Variants in PPM1N observed in about 807,000 individuals in gnomAD.
PPM1N encodes probable protein phosphatase 1N.
PPM1N carries 35 observed loss-of-function variants against 32.6 expected under a neutral mutation model. The ratio of observed to expected loss-of-function variants is 1.07; its 90% CI spans 0.82 to 1.43. PPM1N has a LOEUF of 1.43. PPM1N is among the 40% of genes most tolerant of loss of function. PPM1N has a pLI of 0.00. For synonymous variants in PPM1N, 275 were observed against 270.5 expected, an observed-to-expected ratio of 1.02 and a Z score of -0.16; for missense variants, 648 against 606.6, an observed-to-expected ratio of 1.07 and a Z score of -0.72.
chr19:45,500,777 G>T, intron 4 of PPM1N, 67 bp downstream of exon 4: 2 of 1,270,780 alleles, frequency 1.6e-6, no homozygotes, highest in South Asian at 2.6e-5. Context: ...CCCTCTTAGT[G>T]ACAGGGAAAT....
chr19:45,501,806 G>A (rs866658226), intron 4 of PPM1N, among the ~76,000 whole-genome samples: 35 of 152,124 alleles, frequency 2.3e-4, no homozygotes, highest in African/African-American at 7.2e-4. Context: ...GGTCTTTGGG[G>A]GCTGGTTCTC....
At chr19:45,499,487 G>A (rs1400946320) in intron 1 of PPM1N, 76 bp downstream of exon 1, 1 of 1,590,852 alleles carries the variant, frequency 6.3e-7, no homozygotes, top group Non-Finnish European at 8.6e-7. Context: ...TGGGGAGGAG[G>A]GCTTTGATAG....
rs11666505 is a variant in PPM1N at position 45,501,054 on chromosome 19, A to G, written c.1224+344A>G. Among the ~76,000 whole-genome samples the G allele has an allele frequency of 4.5e-3, 688 of 152,152 alleles. 1 individual carries two copies. The highest frequency in any genetic ancestry group is 7.2e-3 in the Non-Finnish European group (490 of 67,984). ...TAATACATTCCTACTCCCAGCCCTGAAGCATTGTGCAAGGCATGAGGAGGG... is the reference window on the plus strand; with the variant it reads ...TAATACATTCCTACTCCCAGCCCTGGAGCATTGTGCAAGGCATGAGGAGGG... On this transcript the variant is annotated intron_variant, in intron 4 of 4. Coordinates refer to ENST00000451287, the MANE Select transcript of PPM1N (RefSeq NM_001080401.2).
In PPM1N at chr19:45,502,316, AAAAAAAAAAAAAAAAAAAC is replaced by A. The variant is rs1968429189; in HGVS notation, c.*239_*257del. ...AGAAAAAAGCCCAAATCGAAAAAAA[AAAAAAAAAAAAAAAAAAAC>A]AAAAAAACCCAACCAAATGTTTTTG... On this transcript the variant is annotated 3_prime_UTR_variant, in exon 5 of 5. Transcript: ENST00000451287. 4 of 483,402 alleles carry A rather than the reference AAAAAAAAAAAAAAAAAAAC, an allele frequency of 8.3e-6. No individual in the cohort carries two copies. Among genetic ancestry groups the A allele is most frequent in the Admixed American group, 4.7e-5 (1 of 21,482 alleles). The allele number at this position is 483,402 out of a possible 1,614,324, so 29.9% of individuals were successfully genotyped here. A position where few individuals can be genotyped will look rare whatever the true frequency, so the allele number is the denominator to read the frequency against.
At position 45,498,818 on chromosome 19, in the gene PPM1N, C is replaced by T. The variant is rs867252461; in HGVS notation, c.346C>T (p.Arg116Cys). The T allele has an allele frequency of 1.9e-6, 3 of 1,544,942 alleles. No individual in the cohort carries two copies. Among genetic ancestry groups the T allele is most frequent in the Admixed American group, 1.9e-5 (1 of 51,518 alleles). Residue 116 changes from arginine (R) to cysteine (C), a missense_variant, in exon 1 of 5, where the codon CGC becomes TGC. Arg to Cys is a radical substitution (Grantham distance 180). Coordinates refer to ENST00000451287, the MANE Select transcript of PPM1N (RefSeq NM_001080401.2). Reference sequence around the variant, plus strand: ...GGCTCGAGCTGCCCGCTTCGGTGCACGCCATTTGCCAGGCCATGTGCTCCA... The same window carrying T: ...GGCTCGAGCTGCCCGCTTCGGTGCATGCCATTTGCCAGGCCATGTGCTCCA... ...GGARAARFGA[R>C]HLPGHVLQEL...
chr19:45,499,783 C>G (rs1968380623), intron 1 of PPM1N, 166 bp from the exon 2 acceptor site: 10 of 1,497,428 alleles, frequency 6.7e-6, no homozygotes, highest in Non-Finnish European at 8.9e-6. Context: ...CAATTGGGAG[C>G]GCCTAGGACC....
In PPM1N at chr19:45,502,326, A is replaced by AC. The variant is rs1157002970; in HGVS notation, c.*241_*242insC. 3 of 522,102 alleles carry AC rather than the reference A, an allele frequency of 5.7e-6. No homozygotes were observed. Among genetic ancestry groups the AC allele is most frequent in the Admixed American group, 8.8e-5 (2 of 22,854 alleles). 32.3% of individuals were successfully genotyped at this position (522,102 alleles called of 1,614,324 possible). The stretch of plus-strand genomic sequence containing the variant: ...CCAAATCGAAAAAAAAAAAAAAAAA[A>AC]AAAAAAAACAAAAAAACCCAACCAA... On this transcript the variant is annotated 3_prime_UTR_variant, in exon 5 of 5. Transcript: ENST00000451287.
Position 45,500,563 on chromosome 19 carries a change from T to C in PPM1N, c.1163+2T>C, listed in dbSNP as rs746277988. On this transcript the variant is annotated splice_donor_variant, in intron 3 of 4. Transcript: ENST00000451287. LOFTEE classifies it high-confidence loss of function. ...TCCTGGGGGAGGGCTGGACTGCAAG[T>C]GAGTTGGGGTGAGGAAGGGTGGGGT... The C allele has an allele frequency of 3.7e-6, 6 of 1,602,638 alleles. No individual in the cohort carries two copies. The African/African-American group carries it at 8.1e-5, about 22-fold the overall frequency.
chr19:45,500,752 C>T lies in PPM1N; in HGVS notation c.1224+42C>T, dbSNP rs191316761. Reference sequence around the variant, plus strand: ...CTCCAGTGTTTCTCTTAGGAGGGGACGCCCCCCCGCCCACCCCTCTTAGTG... The same window carrying T: ...CTCCAGTGTTTCTCTTAGGAGGGGATGCCCCCCCGCCCACCCCTCTTAGTG... On this transcript the variant is annotated intron_variant, in intron 4 of 4. Transcript: ENST00000451287. 7.1e-4 allele frequency: 1,051 copies of T among 1,478,400 alleles called. 4 individuals carry two copies. The highest frequency in any genetic ancestry group is 1.8e-3 in the South Asian group (147 of 82,562). The allele number at this position is 1,478,400 out of a possible 1,614,324, so 91.6% of individuals were successfully genotyped here.
At position 45,498,859 on chromosome 19, in the gene PPM1N, GC is replaced by G. The variant is rs981939200; in HGVS notation, c.389del (p.Pro130LeufsTer16). 2.0e-6 allele frequency: 3 copies of G among 1,525,102 alleles called. No individual in the cohort carries two copies. The African/African-American group carries it at 4.3e-5, about 22-fold the overall frequency. 94.5% of individuals were successfully genotyped at this position (1,525,102 alleles called of 1,614,324 possible). On this transcript the variant is annotated frameshift_variant, in exon 1 of 5. Transcript: ENST00000451287. LOFTEE classifies it high-confidence loss of function. ...GHVLQELGPEPSEPEGVREAL... is the reference protein window; with the variant it reads ...GHVLQELGPEXSEPEGVREAL... ...ATGTGCTCCAGGAGCTGGGCCCGGA[GC>G]CTAGCGAGCCCGAGGGCGTGCGCGA...
rs564838592 is a variant in PPM1N, at chr19:45,499,940, C to T, written c.940-9C>T. 9.8e-5 allele frequency: 154 copies of T among 1,565,744 alleles called. 1 individual carries two copies. In the East Asian group the frequency reaches 3.3e-3, roughly 34 times the overall value. ...CCCCACCGGGCTCCTTTTTCTCCACCGGCTTCAGGGCAGCCTGGACAACAT... is the reference window on the plus strand; with the variant it reads ...CCCCACCGGGCTCCTTTTTCTCCACTGGCTTCAGGGCAGCCTGGACAACAT... On this transcript the variant is annotated splice_polypyrimidine_tract_variant and intron_variant, in intron 1 of 4. Transcript: ENST00000451287.
At chr19:45,500,319 T>A in intron 2 of PPM1N, 137 bp from the exon 3 acceptor site, 1 of 828,284 alleles carries the variant, frequency 1.2e-6, no homozygotes, top group Non-Finnish European at 1.9e-6. Flanking sequence ...ATTGTTAGTA[T>A]AGACGGGGTT....
At position 45,498,510 on chromosome 19, in the gene PPM1N, G is replaced by A; in HGVS notation, c.38G>A (p.Trp13Ter). ...VLARQLQRLL[W>*]TACKKKEREK... ...GCCCGCCAGCTGCAGCGTCTCCTCT[G>A]GACCGCTTGCAAGAAAAAGGAGAGG... Residue 13 changes from tryptophan (W) to a stop codon, truncating the protein, a stop_gained, in exon 1 of 5, where the codon TGG becomes TAG. Coordinates refer to ENST00000451287, the MANE Select transcript of PPM1N (RefSeq NM_001080401.2). LOFTEE classifies it high-confidence loss of function. 1 of 1,406,968 alleles carries A rather than the reference G, an allele frequency of 7.1e-7. No homozygotes were observed. Among genetic ancestry groups the A allele is most frequent in the Non-Finnish European group, 9.2e-7 (1 of 1,084,538 alleles). The allele number at this position is 1,406,968 out of a possible 1,614,324, so 87.2% of individuals were successfully genotyped here.
At chr19:45,500,179 G>A in intron 2 of PPM1N, 113 bp downstream of exon 2, 1 of 1,362,794 alleles carries the variant, frequency 7.3e-7, no homozygotes, top group Non-Finnish European at 9.8e-7. Flanking sequence ...CTGTCTCCTA[G>A]GCTGGAGTGC....
At position 45,500,447 on chromosome 19, in the gene PPM1N, CT is replaced by C; in HGVS notation, c.1058-6del. ...ACTGTGCCCAGCCTAACTCTTGACT[CT>C]TTCTCAGAACTGTGTGCCTCTGCTC... On this transcript the variant is annotated splice_region_variant and splice_polypyrimidine_tract_variant and intron_variant, in intron 2 of 4. Transcript: ENST00000451287. 1.3e-6 allele frequency: 2 copies of C among 1,598,936 alleles called. No individual in the cohort carries two copies.
Position 45,500,639 on chromosome 19 carries a change from G to C in PPM1N, c.1164-11G>C. The C allele has an allele frequency of 6.2e-7, 1 of 1,600,430 alleles. No individual in the cohort carries two copies. The highest frequency in any genetic ancestry group is 8.5e-7 in the Non-Finnish European group (1 of 1,173,598). ...AGAGTCCCCTCCTGAGGGCCTTCCT[G>C]TGCTCTCCAGGGCCACTGTCATTGC... On this transcript the variant is annotated splice_polypyrimidine_tract_variant and intron_variant, in intron 3 of 4. Coordinates refer to ENST00000451287, the MANE Select transcript of PPM1N (RefSeq NM_001080401.2).
At chr19:45,500,764 C>A in intron 4 of PPM1N, 54 bp downstream of exon 4, 1 of 1,417,622 alleles carries the variant, frequency 7.1e-7, no homozygotes, top group Non-Finnish European at 9.7e-7. Context: ...CCCCCCCGCC[C>A]ACCCCTCTTA....
chr19:45,499,381 C>T lies in PPM1N; in HGVS notation c.909C>T (p.Cys303=), dbSNP rs1267859584. 6.2e-7 allele frequency: 1 copy of T among 1,606,750 alleles called. No individual in the cohort carries two copies. Among genetic ancestry groups the T allele is most frequent in the Admixed American group, 1.7e-5 (1 of 58,848 alleles). The change falls in exon 1 of 5, where the codon TGC becomes TGT. Residue 303 remains cysteine (C), a synonymous_variant. Coordinates refer to ENST00000451287, the MANE Select transcript of PPM1N (RefSeq NM_001080401.2). ...TGGGCCTGGCCCCAGAGCTTCTCTG[C>T]GCGCAGCTGTTGGACACGTGTCTGT... ...LRLGLAPELL[C]AQLLDTCLCK...
Position 45,498,653 on chromosome 19 carries a change from G to A in PPM1N, c.181G>A (p.Ala61Thr). 2 of 1,414,566 alleles carry A rather than the reference G, an allele frequency of 1.4e-6. No individual in the cohort carries two copies. The highest frequency in any genetic ancestry group is 1.8e-6 in the Non-Finnish European group (2 of 1,088,260). 87.6% of individuals were successfully genotyped at this position (1,414,566 alleles called of 1,614,324 possible). Reference protein sequence around the residue: ...RAQRPHGGAEASGGLRFGASA... With the variant: ...RAQRPHGGAETSGGLRFGASA... ...CCAGCGGCCGCACGGGGGTGCCGAG[G>A]CGTCTGGGGGCCTGCGCTTCGGGGC... The change falls in exon 1 of 5, where the codon GCG becomes ACG. Residue 61 changes from alanine (A) to threonine (T), a missense_variant. Transcript: ENST00000451287.
Sources: allele counts gnomAD v4.1 joint callset (sites outside exome capture counted in the v4.1 genomes callset), GRCh38; gene constraint gnomAD v4.1.1; transcripts MANE v1.5; gene names NCBI Gene and HGNC (gene_info 2026-07-23, HGNC 2026-07-21).